Variants in SYT1 observed in about 807,000 individuals in gnomAD.
The protein encoded by SYT1 is synaptotagmin-1.
Under a neutral mutation model 44.8 loss-of-function variants are expected in SYT1, and 8 were observed. The observed-to-expected ratio is 0.18, with a 90% CI of 0.10 to 0.32. The LOEUF is 0.32. Among genes scored for constraint, SYT1 ranks in the 10% least tolerant of loss-of-function variants. SYT1 has a pLI of 1.00. For synonymous variants in SYT1, 154 were observed against 188.8 expected, an observed-to-expected ratio of 0.82 and a Z score of 1.51; for missense variants, 286 against 509.3, an observed-to-expected ratio of 0.56 and a Z score of 4.22.
At chr12:79,425,432 C>T (rs926327173) in intron 9 of SYT1, among the ~76,000 whole-genome samples, 1 of 152,102 alleles carries the variant, frequency 6.6e-6, no homozygotes, top group Non-Finnish European at 1.5e-5. Context: ...GTCTGTTTTC[C>T]ACAGAACATT....
At chr12:78,902,204 A>G (rs1024850875) in intron 1 of SYT1, among the ~76,000 whole-genome samples, 2 of 151,452 alleles carry the variant, frequency 1.3e-5, no homozygotes, top group African/African-American at 2.4e-5. Context: ...ATGTATATAT[A>G]TATATATACT....
chr12:79,256,434 G>A lies in SYT1; in HGVS notation c.167-29353G>A, dbSNP rs187896610. Among the ~76,000 whole-genome samples the A allele has an allele frequency of 1.7e-3, 261 of 152,122 alleles. 1 individual carries two copies. The highest frequency in any genetic ancestry group is 5.6e-3 in the African/African-American group (232 of 41,496). On this transcript the variant is annotated intron_variant, in intron 4 of 10. Coordinates refer to ENST00000261205, the MANE Select transcript of SYT1 (RefSeq NM_005639.3). ...GGGAATTTTTTTTCTTTGTCATTGC[G>A]CTTTCTTTAGAAGGGCATTTAAATT...
At chr12:79,112,709 G>A (rs1327512533) in intron 3 of SYT1, among the ~76,000 whole-genome samples, 1 of 152,058 alleles carries the variant, frequency 6.6e-6, no homozygotes, top group Non-Finnish European at 1.5e-5. Flanking sequence ...TAGATAAAAT[G>A]AGTTTAAGAG....
chr12:79,354,165 G>T (rs1187826465), intron 9 of SYT1, among the ~76,000 whole-genome samples: 1 of 152,010 alleles, frequency 6.6e-6, no homozygotes. Flanking sequence ...AGAGATGTGG[G>T]GATTGAAATT....
chr12:78,896,024 G>T (rs1335716015), intron 1 of SYT1, among the ~76,000 whole-genome samples: 1 of 151,684 alleles, frequency 6.6e-6, no homozygotes, highest in African/African-American at 2.4e-5. Context: ...ATTTAAAGCT[G>T]GGTGGTGCAT....
At chr12:79,019,842 C>G (rs575771150) in intron 2 of SYT1, among the ~76,000 whole-genome samples, 2 of 151,954 alleles carry the variant, frequency 1.3e-5, no homozygotes, top group South Asian at 4.1e-4. Flanking sequence ...TTTTCATAAC[C>G]CATTTAACAA....
intron 1 of SYT1, among the ~76,000 whole-genome samples, chr12:78,870,554 A>G (rs1185069629): frequency 1.3e-5 from 2 of 152,108 alleles, no homozygotes; most frequent in African/African-American, 2.4e-5. Flanking sequence ...TTTGAAATGT[A>G]AACATTCTTA....
chr12:79,144,292 A>C (rs1046175192), intron 3 of SYT1, among the ~76,000 whole-genome samples: 25 of 152,256 alleles, frequency 1.6e-4, no homozygotes, highest in Admixed American at 1.6e-3. Flanking sequence ...TTATGCATTC[A>C]GCAGTGTATA....
intron 4 of SYT1, among the ~76,000 whole-genome samples, chr12:79,230,352 G>T (rs1224115898): frequency 6.6e-6 from 1 of 151,848 alleles, no homozygotes. Context: ...ATTTCATTGT[G>T]TCTTATTGTA....
chr12:79,065,817 A>G (rs888217759), intron 3 of SYT1, among the ~76,000 whole-genome samples: 1 of 152,122 alleles, frequency 6.6e-6, no homozygotes, highest in Non-Finnish European at 1.5e-5. Context: ...TACTGTGTGA[A>G]TTGGTTTGAA....
rs563141157 is a variant in SYT1 at position 79,066,574 on chromosome 12, A to G, written c.-18+19212A>G. ...GAGTCAGTGAGCAGAAGCTATGAGC[A>G]AAATGGCATTACCTTGCAGTAAATA... On this transcript the variant is annotated intron_variant, in intron 3 of 10. Coordinates refer to ENST00000261205, the MANE Select transcript of SYT1 (RefSeq NM_005639.3). 5.3e-5 allele frequency among the ~76,000 whole-genome samples: 8 copies of G among 152,264 alleles called. No individual in the cohort carries two copies. The East Asian group carries it at 1.5e-3, about 29-fold the overall frequency.
intron 1 of SYT1, among the ~76,000 whole-genome samples, chr12:78,960,981 T>C (rs1371045025): frequency 1.3e-5 from 2 of 152,182 alleles, no homozygotes; most frequent in Non-Finnish European, 2.9e-5. Flanking sequence ...TTTCTAAAGT[T>C]TTCTTCAAAA....
chr12:79,315,116 T>G (rs1308537719), intron 8 of SYT1, among the ~76,000 whole-genome samples: 1 of 152,200 alleles, frequency 6.6e-6, no homozygotes, highest in Non-Finnish European at 1.5e-5. Flanking sequence ...CTGTACACTT[T>G]AAATGGGTGA....
chr12:79,062,529 C>A (rs1875468174), intron 3 of SYT1, among the ~76,000 whole-genome samples: 1 of 152,134 alleles, frequency 6.6e-6, no homozygotes, highest in African/African-American at 2.4e-5. Flanking sequence ...TGTGTTTTCT[C>A]TGTTATTCTT....
intron 3 of SYT1, among the ~76,000 whole-genome samples, chr12:79,152,560 G>A (rs1378157113): frequency 6.6e-6 from 1 of 151,760 alleles, no homozygotes; most frequent in Non-Finnish European, 1.5e-5. Flanking sequence ...ATTATGTGAG[G>A]AATTATATAT....
chr12:79,216,604 GTTTA>G (rs1279598610), intron 3 of SYT1, among the ~76,000 whole-genome samples: 2 of 152,158 alleles, frequency 1.3e-5, no homozygotes, highest in African/African-American at 4.8e-5. Context: ...CCCTGTTAAA[GTTTA>G]TTTAACTAGT....
chr12:79,322,901 A>C (rs540771104), intron 8 of SYT1, among the ~76,000 whole-genome samples: 1 of 152,280 alleles, frequency 6.6e-6, no homozygotes, highest in African/African-American at 2.4e-5. Flanking sequence ...AAATGTTGAA[A>C]CGATATCTGA....
At chr12:79,148,419 G>C (rs1032385954) in intron 3 of SYT1, among the ~76,000 whole-genome samples, 1 of 152,024 alleles carries the variant, frequency 6.6e-6, no homozygotes, top group Non-Finnish European at 1.5e-5. Flanking sequence ...ATTGCTATCT[G>C]GTCTTGAAAT....
chr12:78,932,849 AATT>A (rs1877830738), intron 1 of SYT1, among the ~76,000 whole-genome samples: 1 of 152,200 alleles, frequency 6.6e-6, no homozygotes, highest in African/African-American at 2.4e-5. Flanking sequence ...GTATTAAAAT[AATT>A]ATTCATTTTG....
Sources: gnomAD v4.1 joint callset for allele counts (sites outside exome capture counted in the v4.1 genomes callset) on GRCh38, gnomAD v4.1.1 for gene constraint, MANE v1.5 for transcripts, NCBI Gene and HGNC (gene_info 2026-07-23, HGNC 2026-07-21) for gene names.